PRELID2: variants seen among roughly 807,000 people sequenced by gnomAD.
The protein encoded by PRELID2 is PRELI domain containing 2.
A neutral mutation model predicts 28.4 loss-of-function variants in PRELID2; 25 were observed. That is an observed-to-expected ratio of 0.88 (90% CI 0.64 to 1.23). The LOEUF is 1.23. PRELID2 is among the 50% of genes most tolerant of loss of function. PRELID2 has a pLI of 0.00. For synonymous variants in PRELID2, 76 were observed against 71.6 expected, an observed-to-expected ratio of 1.06 and a Z score of -0.31; for missense variants, 201 against 214.4, an observed-to-expected ratio of 0.94 and a Z score of 0.39.
At chr5:145,249,950 T>TCC in the PRELID2 span, among the ~76,000 whole-genome samples, 2 of 150,534 alleles carry the variant, frequency 1.3e-5, no homozygotes, top group Non-Finnish European at 2.9e-5. Context: ...TCTCTCTCTC[T>TCC]CTCTCTCTCT....
At chr5:145,819,751 G>A (rs889696875) in intron 3 of PRELID2, 194 bp downstream of exon 3, 5 of 597,140 alleles carry the variant, frequency 8.4e-6, no homozygotes, top group Non-Finnish European at 5.9e-6. Flanking sequence ...ACAAGACAGA[G>A]AGACAAAGTA....
chr5:145,824,454 G>GTA (rs1329493836), intron 1 of PRELID2, among the ~76,000 whole-genome samples: 4 of 142,542 alleles, frequency 2.8e-5, no homozygotes, highest in African/African-American at 9.9e-5. Context: ...GTGTGTGTGT[G>GTA]TGTGTGTGTG....
At chr5:145,626,712 A>T (rs1365828479) in intron 1 of PRELID2, among the ~76,000 whole-genome samples, 1 of 152,192 alleles carries the variant, frequency 6.6e-6, no homozygotes, top group Non-Finnish European at 1.5e-5. Flanking sequence ...TCAAAAAAAG[A>T]TACCTGCACT....
At chr5:145,545,380 C>A (rs1295870012) in intron 1 of PRELID2, among the ~76,000 whole-genome samples, 3 of 151,720 alleles carry the variant, frequency 2.0e-5, no homozygotes, top group African/African-American at 4.8e-5. Context: ...TTCAGTTTTA[C>A]TCAATGCTAT....
intron 1 of PRELID2, among the ~76,000 whole-genome samples, chr5:145,747,239 G>A (rs1757014897): frequency 6.7e-6 from 1 of 149,670 alleles, no homozygotes; most frequent in Non-Finnish European, 1.5e-5. Flanking sequence ...AAAAATCGAT[G>A]ACTCCAGGAG....
At chr5:145,742,675 T>C (rs1335880952) in intron 1 of PRELID2, among the ~76,000 whole-genome samples, 1 of 150,854 alleles carries the variant, frequency 6.6e-6, no homozygotes, top group Admixed American at 6.6e-5. Flanking sequence ...ATAATCTAAG[T>C]TCCCACCTCA....
Position 145,617,133 on chromosome 5 carries a change from C to CTT in PRELID2, n.71-143820_71-143819dup, listed in dbSNP as rs1181717472. Among the ~76,000 whole-genome samples, 25 of 152,252 alleles carry CTT rather than the reference C, an allele frequency of 1.6e-4. 1 individual carries two copies. The highest frequency in any genetic ancestry group is 1.5e-3 in the Admixed American group (23 of 15,298). ...CCCTGAACATTGCTGTTATCCTGTT[C>CTT]TTTTTTCAAAGTGCCCAGATTTCAT... On this transcript the variant is annotated intron_variant and non_coding_transcript_variant, in intron 1 of 2. Transcript: ENST00000510259.
At chr5:145,793,521 C>A (rs534339625) in intron 5 of PRELID2, among the ~76,000 whole-genome samples, 1 of 152,154 alleles carries the variant, frequency 6.6e-6, no homozygotes, top group Non-Finnish European at 1.5e-5. Context: ...AAAAGACACT[C>A]AGGCATAAAT....
the PRELID2 span, among the ~76,000 whole-genome samples, chr5:145,322,028 G>A: frequency 2.6e-5 from 4 of 152,096 alleles, no homozygotes; most frequent in Non-Finnish European, 5.9e-5. Context: ...TCTGGAGTCT[G>A]CTGAGAAAAG....
chr5:145,772,309 C>T (rs546358254), intron 5 of PRELID2, among the ~76,000 whole-genome samples: 1 of 152,220 alleles, frequency 6.6e-6, no homozygotes, highest in Admixed American at 6.5e-5. Context: ...ATCCAGGACC[C>T]TGAATCTTAC....
the PRELID2 span, among the ~76,000 whole-genome samples, chr5:145,293,573 T>C: frequency 6.6e-6 from 1 of 152,178 alleles, no homozygotes; most frequent in Non-Finnish European, 1.5e-5. Context: ...CACTTTGTCA[T>C]TTTCTAGAGA....
chr5:145,229,443 A>C, the PRELID2 span: 1 of 821,670 alleles, frequency 1.2e-6, no homozygotes, highest in Non-Finnish European at 2.1e-6. Context: ...CTCTACACAA[A>C]GATCCAGGAC....
At chr5:145,501,924 T>C (rs1181608235) in intron 1 of PRELID2, among the ~76,000 whole-genome samples, 1 of 152,206 alleles carries the variant, frequency 6.6e-6, no homozygotes, top group African/African-American at 2.4e-5. Flanking sequence ...TTGTCCTCTA[T>C]GTATTGCTGA....
chr5:145,502,304 T>C (rs1032259035), intron 1 of PRELID2, among the ~76,000 whole-genome samples: 1 of 152,112 alleles, frequency 6.6e-6, no homozygotes, highest in Non-Finnish European at 1.5e-5. Flanking sequence ...CTCCCTATCA[T>C]GAGAACAGCA....
chr5:145,644,208 T>TC (rs59069539), intron 1 of PRELID2, among the ~76,000 whole-genome samples: 33,450 of 152,034 alleles, frequency 0.22, 6,936 homozygotes, highest in African/African-American at 0.54. Context: ...ATTGGTCTAT[T>TC]AAGGATTCGA....
intron 1 of PRELID2, among the ~76,000 whole-genome samples, chr5:145,632,077 C>T (rs1172853863): frequency 6.6e-6 from 1 of 152,136 alleles, no homozygotes; most frequent in Non-Finnish European, 1.5e-5. Flanking sequence ...TAAGGCCTAC[C>T]TAAGCAGGAA....
the PRELID2 span, among the ~76,000 whole-genome samples, chr5:145,381,180 C>G: frequency 6.6e-6 from 1 of 152,122 alleles, no homozygotes; most frequent in Non-Finnish European, 1.5e-5. Flanking sequence ...AAGATCAAAA[C>G]CAAAGTCAGT....
intron 1 of PRELID2, chr5:145,728,446 G>C (rs961929947): frequency 1.7e-6 from 1 of 588,692 alleles, no homozygotes; most frequent in African/African-American, 1.8e-5. Flanking sequence ...CAGGGACCCC[G>C]GATCTGGAAC....
chr5:145,286,713 T>C, the PRELID2 span, among the ~76,000 whole-genome samples: 1 of 63,920 alleles, frequency 1.6e-5, no homozygotes, highest in Non-Finnish European at 3.5e-5. Context: ...TTTTTTTTTG[T>C]TTGTTTGTTT....
Sources: allele counts gnomAD v4.1 joint callset (sites outside exome capture counted in the v4.1 genomes callset), GRCh38; gene constraint gnomAD v4.1.1; transcripts MANE v1.5; gene names NCBI Gene and HGNC (gene_info 2026-07-23, HGNC 2026-07-21).